Variants in ADCY3 observed in about 807,000 individuals in gnomAD.
The protein encoded by ADCY3 is adenylate cyclase 3.
Under a neutral mutation model 119.4 loss-of-function variants are expected in ADCY3, and 70 were observed. That is an observed-to-expected ratio of 0.59 (90% CI 0.48 to 0.72). The LOEUF is 0.72. Among genes scored for constraint, ADCY3 ranks in the 30% least tolerant of loss-of-function variants. ADCY3 has a pLI of 0.00. For missense variants in ADCY3, 1,238 were observed against 1,541.6 expected (o/e 0.80, Z 3.30); for synonymous variants, 672 against 621.4 (o/e 1.08, Z -1.21).
chr2:24,892,535 G>A (rs1172349362), intron 2 of ADCY3, among the ~76,000 whole-genome samples: 3 of 152,180 alleles, frequency 2.0e-5, no homozygotes, highest in Non-Finnish European at 2.9e-5. Context: ...ATAGGCGTGA[G>A]CCACCACTCC....
chr2:24,832,057 A>AAGGGGGCAGGGGGC (rs1382267794), intron 11 of ADCY3: 3 of 17,584 alleles, frequency 1.7e-4, no homozygotes, highest in African/African-American at 2.4e-4. Context: ...GGACCGGGGG[A>AAGGGGGCAGGGGGC]AGGGGGCAGG....
chr2:24,911,211 AG>A (rs1268700087), intron 2 of ADCY3, among the ~76,000 whole-genome samples: 2 of 145,948 alleles, frequency 1.4e-5, no homozygotes, highest in Non-Finnish European at 3.0e-5. Context: ...GGAAGATATA[AG>A]GGTTCTTTTT....
In ADCY3 at chr2:24,919,033, G is replaced by A. The variant is rs1453980990; in HGVS notation, c.-46C>T. ...GGCCCTAGAGAAGTGGACTGGGAAC[G>A]GAGGAAGAGCTCTGGACTGGGCCTC... On this transcript the variant is annotated 5_prime_UTR_variant, in exon 2 of 22. Coordinates refer to ENST00000679454, the MANE Select transcript of ADCY3 (RefSeq NM_004036.5). This position sits in a 1 kb window ranked among gnomAD's most constrained non-coding sequence, Gnocchi z 5.5. 5.3e-6 allele frequency: 8 copies of A among 1,496,148 alleles called. No homozygotes were observed. The highest frequency in any genetic ancestry group is 4.9e-5 in the East Asian group (2 of 40,552). 92.7% of individuals were successfully genotyped at this position (1,496,148 alleles called of 1,614,324 possible).
chr2:24,820,640 A>G, intron 21 of ADCY3, 84 bp downstream of exon 21: 10 of 1,579,424 alleles, frequency 6.3e-6, no homozygotes, highest in Non-Finnish European at 8.6e-6. Flanking sequence ...CCAGGGTGGG[A>G]GGCAGGGGCA....
intron 7 of ADCY3, chr2:24,838,851 A>G (rs1405528287): frequency 6.2e-7 from 1 of 1,605,440 alleles, no homozygotes; most frequent in South Asian, 1.1e-5. Context: ...ACTTACTCCC[A>G]TCTCAGCCTC....
chr2:24,822,071 G>A (rs1667816112), intron 19 of ADCY3: 1 of 189,644 alleles, frequency 5.3e-6, no homozygotes, highest in African/African-American at 2.3e-5. Flanking sequence ...GCAGGATGAT[G>A]GTGTTTTAAG....
At position 24,899,767 on chromosome 2, in the gene ADCY3, TAG is replaced by T. The variant is rs1159226128; in HGVS notation, c.675+18544_675+18545del. Among the ~76,000 whole-genome samples, 2 of 152,194 alleles carry T rather than the reference TAG, an allele frequency of 1.3e-5. No individual in the cohort carries two copies. Reference sequence around the variant, plus strand: ...AGAATGTATCTGTCCTAAATGTGCATAGAGTCACATAAATATGCAATTCACAG... The same window carrying T: ...AGAATGTATCTGTCCTAAATGTGCATAGTCACATAAATATGCAATTCACAG... On this transcript the variant is annotated intron_variant, in intron 2 of 21. Transcript: ENST00000679454. This position sits in a 1 kb window ranked among gnomAD's most constrained non-coding sequence, Gnocchi z 4.5.
Position 24,841,112 on chromosome 2 carries a change from C to T in ADCY3, c.1196+147G>A. The T allele has an allele frequency of 1.0e-6, 1 of 954,572 alleles. No individual in the cohort carries two copies. Among genetic ancestry groups the T allele is most frequent in the Non-Finnish European group, 1.5e-6 (1 of 673,336 alleles). The allele number at this position is 954,572 out of a possible 1,614,324, so 59.1% of individuals were successfully genotyped here. On this transcript the variant is annotated intron_variant, in intron 6 of 21. Coordinates refer to ENST00000679454, the MANE Select transcript of ADCY3 (RefSeq NM_004036.5). This position sits in a 1 kb window ranked among gnomAD's most constrained non-coding sequence, Gnocchi z 5.8. The stretch of plus-strand genomic sequence containing the variant: ...GCTTCTAGAGCGGGAGCCTGCGCCA[C>T]CCATCAACCAGTGCTGTGTCCCAGT...
At chr2:24,912,413 A>G (rs1663830416) in intron 2 of ADCY3, among the ~76,000 whole-genome samples, 1 of 152,210 alleles carries the variant, frequency 6.6e-6, no homozygotes, top group Non-Finnish European at 1.5e-5. Flanking sequence ...TTTACCCAGC[A>G]TTAGACCACC....
intron 3 of ADCY3, among the ~76,000 whole-genome samples, chr2:24,866,202 T>C (rs781684741): frequency 1.1e-4 from 16 of 152,182 alleles, no homozygotes; most frequent in Non-Finnish European, 2.2e-4. Context: ...TGAGAAGCTA[T>C]TTCCTATCTG....
chr2:24,834,928 G>A lies in ADCY3; in HGVS notation c.1671C>T (p.Asn557=), dbSNP rs759395773. 7.4e-6 allele frequency: 12 copies of A among 1,613,436 alleles called. No homozygotes were observed. The highest frequency in any genetic ancestry group is 1.3e-5 in the African/African-American group (1 of 75,050). The change falls in exon 10 of 22, where the codon AAC becomes AAT. Residue 557 remains asparagine (N), a synonymous_variant. Transcript: ENST00000679454. The surrounding 1 kb of genome is among the most constrained non-coding windows in gnomAD (Gnocchi z 4.2). The part of the protein sequence containing the change: ...KPEEQDAQAD[N]PSFPNPRRRL... ...TCCGGCGTGGGTTGGGGAATGAGGG[G>A]TTGTCGGCCTGTGAGCCAGGGAGGC...
At chr2:24,906,918 A>G (rs7576172) in intron 2 of ADCY3, among the ~76,000 whole-genome samples, 79,220 of 151,804 alleles carry the variant, frequency 0.52, 22,834 homozygotes, top group African/African-American at 0.78. Context: ...ATCACTTGAG[A>G]TCAGGAGTTT....
chr2:24,905,067 G>A (rs1679317283), intron 2 of ADCY3, among the ~76,000 whole-genome samples: 1 of 152,128 alleles, frequency 6.6e-6, no homozygotes, highest in Non-Finnish European at 1.5e-5. Flanking sequence ...ATAGAGAGAT[G>A]GGAAGGTACA....
At chr2:24,836,172 C>G (rs1048416742) in intron 9 of ADCY3, among the ~76,000 whole-genome samples, 3 of 152,210 alleles carry the variant, frequency 2.0e-5, no homozygotes, top group Admixed American at 2.0e-4. Context: ...GTCCTCCTTG[C>G]TAGTGAGTGC....
chr2:24,882,095 T>C (rs1676469180), intron 2 of ADCY3, among the ~76,000 whole-genome samples: 1 of 152,234 alleles, frequency 6.6e-6, no homozygotes, highest in Non-Finnish European at 1.5e-5. Flanking sequence ...CAAGTAGATT[T>C]ATTTTTATGT....
rs75001900 is a variant in ADCY3 at position 24,819,464 on chromosome 2, G to A, written c.*468C>T. On this transcript the variant is annotated 3_prime_UTR_variant, in exon 22 of 22. Transcript: ENST00000679454. ...CCTTTCAAGATGATCAGGAACACCA[G>A]GACGAGGGCCGTCTCACCTCACTCG... 1 of 153,828 alleles carries A rather than the reference G, an allele frequency of 6.5e-6. No individual in the cohort carries two copies. Among genetic ancestry groups the A allele is most frequent in the East Asian group, 1.9e-4 (1 of 5,236 alleles). 9.5% of individuals were successfully genotyped at this position (153,828 alleles called of 1,614,324 possible).
intron 2 of ADCY3, chr2:24,877,827 A>C (rs1209847591): frequency 2.1e-6 from 1 of 465,954 alleles, no homozygotes; most frequent in Non-Finnish European, 4.5e-6. Flanking sequence ...GGGGCGAGAC[A>C]GCTGGCGCTC....
Position 24,822,592 on chromosome 2 carries a change from G to C in ADCY3, c.2922C>G (p.Ile974Met). 6.2e-7 allele frequency: 1 copy of C among 1,614,100 alleles called. No homozygotes were observed. Among genetic ancestry groups the C allele is most frequent in the Non-Finnish European group, 8.5e-7 (1 of 1,180,012 alleles). ...CCATATACGTGCTGCCAATGGTTTT[G>C]ATCTTGGTGATCACCCGGAACTTGG... ...DNPKFRVITK[I>M]KTIGSTYMAA... The change falls in exon 19 of 22, where the codon ATC (isoleucine) becomes ATG (methionine). Residue 974 changes from isoleucine to methionine, a missense_variant. By Grantham distance (10) the Ile-to-Met change is conservative (BLOSUM62 1). Transcript: ENST00000679454.
chr2:24,838,828 TG>T, intron 7 of ADCY3: 1 of 1,608,746 alleles, frequency 6.2e-7, no homozygotes, highest in Non-Finnish European at 8.5e-7. Context: ...ACTAGCTGTG[TG>T]GGCCGTATGG....
Sources: allele counts gnomAD v4.1 joint callset (sites outside exome capture counted in the v4.1 genomes callset), GRCh38; gene constraint gnomAD v4.1.1; non-coding constraint Gnocchi (gnomAD v3.1); transcripts MANE v1.5; gene names NCBI Gene and HGNC (gene_info 2026-07-23, HGNC 2026-07-21).